CDH13: variants seen among roughly 807,000 people sequenced by gnomAD.
CDH13 encodes the protein cadherin 13.
CDH13 carries 24 observed loss-of-function variants against 63.8 expected under a neutral mutation model. That is an observed-to-expected ratio of 0.38 (90% CI 0.27 to 0.53). CDH13 has a LOEUF of 0.53. CDH13 is among the 20% of genes least tolerant of loss of function. The probability of loss-of-function intolerance (pLI) is 0.85; values close to 1 mark genes in which losing one functional copy is unlikely to be tolerated. For missense variants in CDH13, 1,049 were observed against 903.1 expected (o/e 1.16, Z -2.07); for synonymous variants, 503 against 355.3 (o/e 1.42, Z -4.67).
At chr16:83,230,853 C>G (rs943920695) in intron 5 of CDH13, among the ~76,000 whole-genome samples, 2 of 152,186 alleles carry the variant, frequency 1.3e-5, no homozygotes, top group African/African-American at 4.8e-5. Context: ...ATGTGGATGA[C>G]ATAATTTTGG....
chr16:82,837,854 C>G (rs918658), intron 1 of CDH13, among the ~76,000 whole-genome samples: 48,241 of 152,146 alleles, frequency 0.32, 9,241 homozygotes, highest in East Asian at 0.8. Context: ...TGGAGCCACT[C>G]TTACCAGTTA....
chr16:83,276,796 G>C (rs2089003493), intron 5 of CDH13, among the ~76,000 whole-genome samples: 1 of 152,146 alleles, frequency 6.6e-6, no homozygotes, highest in Non-Finnish European at 1.5e-5. Flanking sequence ...GCATGAACAT[G>C]GGAGGTGGAG....
intron 5 of CDH13, among the ~76,000 whole-genome samples, chr16:83,229,169 G>A (rs987578805): frequency 6.6e-6 from 1 of 152,138 alleles, no homozygotes; most frequent in Admixed American, 6.5e-5. Flanking sequence ...CATCCAATTT[G>A]CATTTCAAGA....
chr16:82,816,716 G>T (rs2037731205), intron 1 of CDH13, among the ~76,000 whole-genome samples: 1 of 149,164 alleles, frequency 6.7e-6, no homozygotes, highest in Non-Finnish European at 1.5e-5. Context: ...GTGAAAAATT[G>T]CATTGATCCT....
At chr16:82,784,793 A>T (rs2035925299) in intron 1 of CDH13, among the ~76,000 whole-genome samples, 1 of 152,186 alleles carries the variant, frequency 6.6e-6, no homozygotes, top group African/African-American at 2.4e-5. Flanking sequence ...AACCAGGCAG[A>T]TGCACAGCAG....
intron 1 of CDH13, among the ~76,000 whole-genome samples, chr16:82,839,928 C>T (rs888747250): frequency 6.6e-6 from 1 of 152,166 alleles, no homozygotes; most frequent in Admixed American, 6.5e-5. Context: ...TGAAATATTA[C>T]ATTAATCCAG....
intron 7 of CDH13, among the ~76,000 whole-genome samples, chr16:83,529,267 C>G (rs1258527093): frequency 6.6e-6 from 1 of 152,002 alleles, no homozygotes; most frequent in Non-Finnish European, 1.5e-5. Context: ...AGTGTACAAG[C>G]TAATTGGATG....
At chr16:82,838,047 C>T (rs189319157) in intron 1 of CDH13, among the ~76,000 whole-genome samples, 4 of 152,200 alleles carry the variant, frequency 2.6e-5, no homozygotes. Context: ...TGTTAACCAA[C>T]CTGACATTCC....
intron 7 of CDH13, among the ~76,000 whole-genome samples, chr16:83,600,408 G>A (rs995833320): frequency 6.6e-6 from 1 of 152,198 alleles, no homozygotes; most frequent in African/African-American, 2.4e-5. Context: ...TAAAATAGTA[G>A]CTCAGAAACC....
intron 3 of CDH13, among the ~76,000 whole-genome samples, chr16:83,072,964 C>G (rs187218616): frequency 6.6e-6 from 1 of 152,242 alleles, no homozygotes; most frequent in Admixed American, 6.5e-5. Context: ...GATGATGTGG[C>G]CTTTCAGAGA....
chr16:83,458,562 T>A (rs908337328), intron 6 of CDH13, among the ~76,000 whole-genome samples: 25 of 152,348 alleles, frequency 1.6e-4, no homozygotes, highest in African/African-American at 5.0e-4. Flanking sequence ...ACAAAAAATC[T>A]TGTGGTCATC....
chr16:83,596,196 C>A (rs1907240488), intron 7 of CDH13, among the ~76,000 whole-genome samples: 1 of 152,192 alleles, frequency 6.6e-6, no homozygotes. Flanking sequence ...AGTGACAGGG[C>A]AGCTGGACAA....
intron 2 of CDH13, among the ~76,000 whole-genome samples, chr16:82,932,641 G>A (rs114203741): frequency 0.01 from 1,572 of 152,226 alleles, 18 homozygotes; most frequent in African/African-American, 0.035. Flanking sequence ...CTCATGGGAC[G>A]TATTTACTTG....
chr16:83,254,202 C>T (rs1170215761), intron 5 of CDH13, among the ~76,000 whole-genome samples: 1 of 152,152 alleles, frequency 6.6e-6, no homozygotes. Flanking sequence ...TGCAAATTAG[C>T]CTCCCCACCT....
chr16:83,364,034 C>T (rs2091213020), intron 6 of CDH13, among the ~76,000 whole-genome samples: 1 of 152,124 alleles, frequency 6.6e-6, no homozygotes, highest in African/African-American at 2.4e-5. Context: ...ATTTAGCTAG[C>T]TTTCTCTGAA....
chr16:83,746,601 G>T (rs1293841524), intron 10 of CDH13, among the ~76,000 whole-genome samples: 1 of 152,172 alleles, frequency 6.6e-6, no homozygotes, highest in Non-Finnish European at 1.5e-5. Context: ...GGTTAAATCA[G>T]GTTTTAAACA....
chr16:83,141,994 G>A (rs1183948584), intron 4 of CDH13, among the ~76,000 whole-genome samples: 3 of 152,204 alleles, frequency 2.0e-5, no homozygotes, highest in East Asian at 1.9e-4. Flanking sequence ...AGCACTGGCT[G>A]AAAAGCCCCA....
intron 7 of CDH13, among the ~76,000 whole-genome samples, chr16:83,540,587 A>T (rs2075280337): frequency 6.6e-6 from 1 of 152,176 alleles, no homozygotes; most frequent in South Asian, 2.1e-4. Context: ...TTAAGTTTCC[A>T]TTTCTACGTT....
chr16:83,006,235 G>T (rs905042228), intron 2 of CDH13, among the ~76,000 whole-genome samples: 5 of 152,276 alleles, frequency 3.3e-5, no homozygotes, highest in African/African-American at 1.2e-4. Context: ...AATAGCAAAT[G>T]ACCATGAGCT....
Sources: allele counts gnomAD v4.1 joint callset (sites outside exome capture counted in the v4.1 genomes callset), GRCh38; gene constraint gnomAD v4.1.1; transcripts MANE v1.5; gene names NCBI Gene and HGNC (gene_info 2026-07-23, HGNC 2026-07-21).